Variants in ZGRF1 observed in about 807,000 individuals in gnomAD.
The protein encoded by ZGRF1 is zinc finger GRF-type containing 1.
Under a neutral mutation model 203.5 loss-of-function variants are expected in ZGRF1, and 196 were observed. The ratio of observed to expected loss-of-function variants is 0.96; its 90% CI spans 0.86 to 1.08. The LOEUF is 1.08. Ranked by LOEUF, ZGRF1 falls within the 50% of genes least tolerant of loss-of-function variation. ZGRF1 has a pLI of 0.00. For missense variants in ZGRF1, 2,326 were observed against 2,416.3 expected, an observed-to-expected ratio of 0.96 and a Z score of 0.78; for synonymous variants, 809 against 841.3, an observed-to-expected ratio of 0.96 and a Z score of 0.66.
chr4:112,551,151 A>G (rs539538026), intron 22 of ZGRF1, among the ~76,000 whole-genome samples: 1 of 152,302 alleles, frequency 6.6e-6, no homozygotes, highest in African/African-American at 2.4e-5. Context: ...TTCTGTTTAG[A>G]TACAGAAATA....
chr4:112,573,397 CAG>C (rs1220754608), intron 16 of ZGRF1, among the ~76,000 whole-genome samples: 1 of 151,748 alleles, frequency 6.6e-6, no homozygotes, highest in African/African-American at 2.4e-5. Flanking sequence ...TTTGGGGACT[CAG>C]GGGAAAGGGT....
Position 112,565,085 on chromosome 4 carries a change from C to A in ZGRF1, c.4439-1811G>T. The A allele has an allele frequency of 3.9e-6, 5 of 1,286,800 alleles. No homozygotes were observed. The South Asian group carries it at 5.9e-5, about 15-fold the overall frequency. 79.7% of individuals were successfully genotyped at this position (1,286,800 alleles called of 1,614,324 possible). ...GCCGCTCGCAAGAGTGTGCCCTCTA[C>A]TGGAGGGGTGAAGAAACCTCATCGT... is the stretch of plus-strand genomic sequence containing the variant. On this transcript the variant is annotated intron_variant, in intron 16 of 27. Transcript: ENST00000505019.
chr4:112,606,087 G>T lies in ZGRF1; in HGVS notation c.2723C>A (p.Ser908Tyr). 1 of 1,568,718 alleles carries T rather than the reference G, an allele frequency of 6.4e-7. No individual in the cohort carries two copies. Among genetic ancestry groups the T allele is most frequent in the South Asian group, 1.2e-5 (1 of 86,830 alleles). The change falls in exon 9 of 28, where the codon TCT becomes TAT. Residue 908 changes from serine (S) to tyrosine (Y), a missense_variant. By Grantham distance (144) the Ser-to-Tyr change is moderately radical. Transcript: ENST00000505019. ...LSEPLQSVQF[S>Y]SSGSKEETAF... The stretch of plus-strand genomic sequence containing the variant: ...AGTCTCTTCTTTACTTCCCGAGGAA[G>T]AGAACTAGGATAAAATATGAATAAG...
At chr4:112,636,705 C>G (rs545385885) in intron 1 of ZGRF1, 146 bp downstream of exon 1, 28 of 152,350 alleles carry the variant, frequency 1.8e-4, no homozygotes, top group African/African-American at 6.3e-4. Context: ...TACAAGCAGT[C>G]CGAGTAGCTG....
intron 1 of ZGRF1, among the ~76,000 whole-genome samples, chr4:112,636,247 A>G (rs1348457091): frequency 6.6e-6 from 1 of 152,228 alleles, no homozygotes; most frequent in Non-Finnish European, 1.5e-5. Flanking sequence ...TTATATACAT[A>G]CATACATACA....
At chr4:112,544,140 A>G (rs1215968205) in intron 24 of ZGRF1, among the ~76,000 whole-genome samples, 1 of 152,220 alleles carries the variant, frequency 6.6e-6, no homozygotes, top group African/African-American at 2.4e-5. Context: ...AAGACAACTG[A>G]AAGCTTCGTT....
intron 20 of ZGRF1, among the ~76,000 whole-genome samples, chr4:112,556,101 C>T (rs1740895195): frequency 6.6e-6 from 1 of 151,534 alleles, no homozygotes; most frequent in African/African-American, 2.4e-5. Context: ...CAACGTTGTC[C>T]TCAGCCACTC....
chr4:112,595,795 TTATAATG>T (rs1427965867), intron 10 of ZGRF1, among the ~76,000 whole-genome samples: 2 of 152,182 alleles, frequency 1.3e-5, no homozygotes, highest in African/African-American at 4.8e-5. Flanking sequence ...AATAAATATT[TTATAATG>T]TTTTTAAAGT....
intron 10 of ZGRF1, among the ~76,000 whole-genome samples, chr4:112,596,160 C>T (rs1173798022): frequency 6.6e-6 from 1 of 152,092 alleles, no homozygotes; most frequent in Non-Finnish European, 1.5e-5. Flanking sequence ...TCAAAATATA[C>T]AGAGGATGAG....
rs759177354 is a variant in ZGRF1, at chr4:112,585,543, T to A, written c.4099A>T (p.Lys1367Ter). The change falls in exon 14 of 28, where the codon AAG (lysine) becomes TAG (stop). Residue 1367 changes from lysine to a stop codon, truncating the protein, a stop_gained and splice_region_variant. Transcript: ENST00000505019. LOFTEE classifies it high-confidence loss of function. The stretch of plus-strand genomic sequence containing the variant: ...AGGGGGAGGGGAAGCAAGAATACCT[T>A]ATTTGGACCTTCCTTTTTAACCATG... ...LVMVKKEGPN[K>*]GRLFYTCDGP... 2 of 1,609,554 alleles carry A rather than the reference T, an allele frequency of 1.2e-6. No individual in the cohort carries two copies. The highest frequency in any genetic ancestry group is 1.7e-6 in the Non-Finnish European group (2 of 1,178,238).
chr4:112,603,544 T>C lies in ZGRF1; in HGVS notation c.2956A>G (p.Met986Val), dbSNP rs757865286. 1 of 1,612,268 alleles carries C rather than the reference T, an allele frequency of 6.2e-7. No individual in the cohort carries two copies. Among genetic ancestry groups the C allele is most frequent in the South Asian group, 1.1e-5 (1 of 90,776 alleles). Residue 986 changes from methionine (M) to valine (V), a missense_variant, in exon 10 of 28, where the codon ATG (methionine) becomes GTG (valine). Coordinates refer to ENST00000505019, the MANE Select transcript of ZGRF1 (RefSeq NM_018392.5). Reference protein sequence around the residue: ...TETPELPSTCMQIDFLQVTSP... With the variant: ...TETPELPSTCVQIDFLQVTSP... ...TTTACCTGCAAGAAGTCAATCTGCA[T>C]ACACGTGCTAGGTAACTCTGGTGTC...
intron 16 of ZGRF1, among the ~76,000 whole-genome samples, chr4:112,564,684 AT>A (rs566958069): frequency 7.2e-5 from 11 of 152,012 alleles, no homozygotes; most frequent in South Asian, 2.1e-4. Context: ...TACTTGTTTA[AT>A]TTTTTTTCCC....
intron 6 of ZGRF1, among the ~76,000 whole-genome samples, chr4:112,614,582 A>C (rs1318806478): frequency 1.3e-5 from 2 of 152,202 alleles, no homozygotes; most frequent in Non-Finnish European, 2.9e-5. Flanking sequence ...TAATCCCAGC[A>C]CTTCGGGAGG....
intron 16 of ZGRF1, among the ~76,000 whole-genome samples, chr4:112,575,705 T>C (rs1745065361): frequency 6.6e-6 from 1 of 152,158 alleles, no homozygotes; most frequent in Admixed American, 6.5e-5. Context: ...CAGATCAAAC[T>C]GCAAGGCAGG....
intron 10 of ZGRF1, among the ~76,000 whole-genome samples, chr4:112,598,779 G>T (rs1436982456): frequency 6.6e-6 from 1 of 151,994 alleles, no homozygotes; most frequent in African/African-American, 2.4e-5. Flanking sequence ...GGCCAGTCAC[G>T]GTGTCAGATG....
chr4:112,596,350 C>T (rs1749008845), intron 10 of ZGRF1, among the ~76,000 whole-genome samples: 1 of 152,124 alleles, frequency 6.6e-6, no homozygotes, highest in African/African-American at 2.4e-5. Flanking sequence ...CATGGAAGGG[C>T]TCAGAAACTG....
At position 112,603,713 on chromosome 4, in the gene ZGRF1, T is replaced by G. The variant is rs1750331143; in HGVS notation, c.2803-16A>C. 1.3e-6 allele frequency: 2 copies of G among 1,599,356 alleles called. No individual in the cohort carries two copies. The highest frequency in any genetic ancestry group is 1.7e-5 in the Admixed American group (1 of 58,864). ...ACTCAACAGGCTACAGGTAAATTAT[T>G]AAAAATAAGAACTGCATAACTATAT... On this transcript the variant is annotated splice_polypyrimidine_tract_variant and intron_variant, in intron 9 of 27. Coordinates refer to ENST00000505019, the MANE Select transcript of ZGRF1 (RefSeq NM_018392.5).
At chr4:112,585,412 G>A in intron 14 of ZGRF1, 129 bp downstream of exon 14, 3 of 561,248 alleles carry the variant, frequency 5.3e-6, no homozygotes, top group Non-Finnish European at 8.5e-6. Flanking sequence ...ATGTATGTTA[G>A]GTACCAACAC....
chr4:112,605,085 G>A (rs1750569229), intron 9 of ZGRF1, among the ~76,000 whole-genome samples: 1 of 151,808 alleles, frequency 6.6e-6, no homozygotes, highest in Non-Finnish European at 1.5e-5. Context: ...AACTGTTAAA[G>A]ATTCTGTATA....
Sources: allele counts gnomAD v4.1 joint callset (sites outside exome capture counted in the v4.1 genomes callset), GRCh38; gene constraint gnomAD v4.1.1; transcripts MANE v1.5; gene names NCBI Gene and HGNC (gene_info 2026-07-23, HGNC 2026-07-21).